Variants in FBXW8 observed in about 807,000 individuals in gnomAD.
FBXW8 encodes F-box/WD repeat-containing protein 8.
In FBXW8, 57 loss-of-function variants were observed where a neutral mutation model predicts 65.3. That is an observed-to-expected ratio of 0.87 (90% CI 0.71 to 1.09). FBXW8 has a LOEUF of 1.09. Ranked by LOEUF, FBXW8 falls within the 50% of genes least tolerant of loss-of-function variation. The pLI is 0.00. For synonymous variants in FBXW8, 308 were observed against 330.2 expected (o/e 0.93, Z 0.73); for missense variants, 777 against 814.8 (o/e 0.95, Z 0.57).
rs919158334 is a variant in FBXW8 at position 116,989,504 on chromosome 12, C to T, written c.1239+635C>T. Among the ~76,000 whole-genome samples, 7 of 152,210 alleles carry T rather than the reference C, an allele frequency of 4.6e-5. No homozygotes were observed. In the South Asian group the frequency reaches 1.2e-3, roughly 27 times the overall value. ...GCATCAGAATTCACATTCTTACCAA[C>T]AGTGCATAAAAGTGCATTCTGATGC... On this transcript the variant is annotated intron_variant, in intron 7 of 10. Transcript: ENST00000652555.
chr12:117,002,983 T>C (rs926085336), intron 7 of FBXW8: 1 of 152,206 alleles, frequency 6.6e-6, no homozygotes, highest in African/African-American at 2.4e-5. Context: ...GCAATGTGGG[T>C]CGTTTATGTG....
chr12:117,012,891 A>G (rs550063927), intron 8 of FBXW8, among the ~76,000 whole-genome samples: 2 of 152,296 alleles, frequency 1.3e-5, no homozygotes, highest in African/African-American at 4.8e-5. Flanking sequence ...TCATTAAAGT[A>G]GGGAATCAGT....
intron 8 of FBXW8, among the ~76,000 whole-genome samples, chr12:117,022,274 T>TAA (rs1954116711): frequency 6.6e-6 from 1 of 152,122 alleles, no homozygotes. Context: ...TTTACTCATC[T>TAA]AAGTTTTCAG....
intron 4 of FBXW8, among the ~76,000 whole-genome samples, chr12:116,960,873 A>G (rs928920831): frequency 6.6e-6 from 1 of 152,192 alleles, no homozygotes; most frequent in African/African-American, 2.4e-5. Flanking sequence ...AGGGCATAGT[A>G]GTTGAGTCAG....
chr12:116,949,187 C>T, intron 3 of FBXW8: 1 of 163,890 alleles, frequency 6.1e-6, no homozygotes, highest in Admixed American at 5.9e-5. Context: ...TCTGAGAGTC[C>T]TTATAAGAAT....
Position 117,030,638 on chromosome 12 carries a change from A to G in FBXW8, c.*2466A>G, listed in dbSNP as rs1040463887. The G allele has an allele frequency of 3.3e-5, 5 of 152,232 alleles. No homozygotes were observed. Among genetic ancestry groups the G allele is most frequent in the African/African-American group, 9.6e-5 (4 of 41,458 alleles). 9.4% of individuals were successfully genotyped at this position (152,232 alleles called of 1,614,324 possible). On this transcript the variant is annotated 3_prime_UTR_variant, in exon 11 of 11. Coordinates refer to ENST00000652555, the MANE Select transcript of FBXW8 (RefSeq NM_153348.3). Reference sequence around the variant, plus strand: ...CATTAGACCCAGAATTAGAGCAGCCAGCAGCTGGCCCAGTGTAAAAATGTC... The same window carrying G: ...CATTAGACCCAGAATTAGAGCAGCCGGCAGCTGGCCCAGTGTAAAAATGTC...
In FBXW8 at chr12:116,946,487, A is replaced by G. The variant is rs555491164; in HGVS notation, c.588+959A>G. ...TGTGCATTGCAGGCTGTTGAGCAGTATCTCTGGCCTCTCCCCATTAGACGC... is the reference window on the plus strand; with the variant it reads ...TGTGCATTGCAGGCTGTTGAGCAGTGTCTCTGGCCTCTCCCCATTAGACGC... On this transcript the variant is annotated intron_variant, in intron 3 of 10. Coordinates refer to ENST00000652555, the MANE Select transcript of FBXW8 (RefSeq NM_153348.3). Among the ~76,000 whole-genome samples the G allele has an allele frequency of 2.0e-5, 3 of 152,200 alleles. No individual in the cohort carries two copies. The South Asian group carries it at 6.2e-4, about 32-fold the overall frequency.
rs113554324 is a variant in FBXW8 at position 116,955,319 on chromosome 12, C to T, written c.677+5613C>T. Among the ~76,000 whole-genome samples, 375 of 152,268 alleles carry T rather than the reference C, an allele frequency of 2.5e-3. 3 individuals carry two copies. Among genetic ancestry groups the T allele is most frequent in the African/African-American group, 8.6e-3 (359 of 41,550 alleles). On this transcript the variant is annotated intron_variant, in intron 4 of 10. Coordinates refer to ENST00000652555, the MANE Select transcript of FBXW8 (RefSeq NM_153348.3). ...AGATAAGTGGACGTGCCTTCAACTGCGACTGAGACATTCAGACACAACTTT... is the reference window on the plus strand; with the variant it reads ...AGATAAGTGGACGTGCCTTCAACTGTGACTGAGACATTCAGACACAACTTT...
chr12:116,953,838 G>A (rs1024518110), intron 4 of FBXW8, among the ~76,000 whole-genome samples: 5 of 150,534 alleles, frequency 3.3e-5, no homozygotes, highest in South Asian at 2.1e-4. Context: ...AAAACCAGCC[G>A]GGCATGGTGG....
chr12:116,935,899 A>G (rs1235555089), intron 2 of FBXW8, among the ~76,000 whole-genome samples: 1 of 152,246 alleles, frequency 6.6e-6, no homozygotes, highest in Non-Finnish European at 1.5e-5. Flanking sequence ...TTTAAAAAAA[A>G]GTTGGACTTA....
intron 9 of FBXW8, among the ~76,000 whole-genome samples, chr12:117,025,765 C>A (rs769143909): frequency 1.4e-4 from 22 of 152,208 alleles, no homozygotes; most frequent in Non-Finnish European, 3.1e-4. Flanking sequence ...ACTGAAATTC[C>A]CGGAAGCATT....
chr12:117,027,572 C>T (rs79584871), intron 10 of FBXW8, 68 bp downstream of exon 10: 46 of 1,203,634 alleles, frequency 3.8e-5, no homozygotes, highest in Middle Eastern at 4.1e-4. Flanking sequence ...CCCACCCCCC[C>T]CGCCGTGACA....
At chr12:116,999,551 C>T (rs969901849) in intron 7 of FBXW8, among the ~76,000 whole-genome samples, 4 of 152,158 alleles carry the variant, frequency 2.6e-5, no homozygotes, top group Non-Finnish European at 4.4e-5. Context: ...CTTCCTGGCT[C>T]GCCCCTGCCC....
intron 5 of FBXW8, 113 bp downstream of exon 5, chr12:116,964,967 A>G (rs903700127): frequency 4.0e-6 from 4 of 994,488 alleles, no homozygotes; most frequent in Non-Finnish European, 5.8e-6. Context: ...GTGGGCACAC[A>G]CACATGTTCA....
At chr12:117,014,097 C>T (rs1305652291) in intron 8 of FBXW8, among the ~76,000 whole-genome samples, 1 of 152,140 alleles carries the variant, frequency 6.6e-6, no homozygotes, top group Non-Finnish European at 1.5e-5. Flanking sequence ...CAACAGGCCA[C>T]CAAAGCTCTG....
intron 7 of FBXW8, 77 bp from the exon 8 acceptor site, chr12:117,010,246 C>T (rs1279645058): frequency 4.4e-6 from 7 of 1,599,444 alleles, no homozygotes; most frequent in Middle Eastern, 1.7e-4. Flanking sequence ...ATGCCCTCCA[C>T]GATGGTGAAA....
chr12:116,972,544 A>C (rs1401659493), intron 5 of FBXW8, among the ~76,000 whole-genome samples: 1 of 152,154 alleles, frequency 6.6e-6, no homozygotes, highest in Non-Finnish European at 1.5e-5. Flanking sequence ...TGGAGTAGAA[A>C]GGTGGTCTGG....
At position 117,029,868 on chromosome 12, in the gene FBXW8, C is replaced by T. The variant is rs1468427446; in HGVS notation, c.*1696C>T. 6.6e-6 allele frequency: 1 copy of T among 151,958 alleles called. No homozygotes were observed. Among genetic ancestry groups the T allele is most frequent in the Non-Finnish European group, 1.5e-5 (1 of 68,016 alleles). The allele number at this position is 151,958 out of a possible 1,614,324, so 9.4% of individuals were successfully genotyped here. On this transcript the variant is annotated 3_prime_UTR_variant, in exon 11 of 11. Coordinates refer to ENST00000652555, the MANE Select transcript of FBXW8 (RefSeq NM_153348.3). ...CTCAAATGATTGCCTGCCTCAGCCT[C>T]CCAAAGTGCTGGGATTACAGGTGTA...
chr12:116,947,750 A>G (rs4998412), intron 3 of FBXW8, among the ~76,000 whole-genome samples: 25 of 137,706 alleles, frequency 1.8e-4, no homozygotes, highest in African/African-American at 3.4e-4. Context: ...AAAAAAAAAA[A>G]AAAAGAAAAG....
Sources: gnomAD v4.1 joint callset for allele counts (sites outside exome capture counted in the v4.1 genomes callset) on GRCh38, gnomAD v4.1.1 for gene constraint, MANE v1.5 for transcripts, NCBI Gene and HGNC (gene_info 2026-07-23, HGNC 2026-07-21) for gene names.